The following HDHD2 variants were observed in gnomAD, a reference collection of about 807,000 sequenced individuals.
HDHD2 encodes haloacid dehalogenase like hydrolase domain containing 2, also known as haloacid dehalogenase-like hydrolase domain-containing protein 2.
HDHD2 carries 26 observed loss-of-function variants against 24.8 expected under a neutral mutation model. The ratio of observed to expected loss-of-function variants is 1.05; its 90% CI spans 0.77 to 1.45. The LOEUF (loss-of-function observed/expected upper bound fraction) is 1.45, where lower values mean the gene tolerates loss of function less well. Ranked by LOEUF, HDHD2 falls within the 40% of genes most tolerant of loss-of-function variation. The pLI is 0.00. For synonymous variants in HDHD2, 128 were observed against 114.9 expected (o/e 1.11, Z -0.73); for missense variants, 299 against 313.4 (o/e 0.95, Z 0.35).
Position 47,133,152 on chromosome 18 carries a change from C to T in HDHD2, c.310+1344G>A, listed in dbSNP as rs369144697. Among the ~76,000 whole-genome samples, 577 of 150,872 alleles carry T rather than the reference C, an allele frequency of 3.8e-3. 3 individuals carry two copies. The highest frequency in any genetic ancestry group is 0.013 in the African/African-American group (539 of 40,384). On this transcript the variant is annotated intron_variant, in intron 3 of 6. Transcript: ENST00000300605. ...TAACGCTATCCCTCCCCACTCCCCC[C>T]ACCCCACAACAGGCCCCAGTGTGTG...
chr18:47,111,339 C>T (rs2063514301), intron 6 of HDHD2: 1 of 978,388 alleles, frequency 1.0e-6, no homozygotes, highest in African/African-American at 1.8e-5. Context: ...CATTTTGAAG[C>T]TCAGTGTAAA....
chr18:47,113,343 C>G (rs1046313319), intron 5 of HDHD2, among the ~76,000 whole-genome samples: 1 of 152,192 alleles, frequency 6.6e-6, no homozygotes, highest in African/African-American at 2.4e-5. Flanking sequence ...ATCTATTTAT[C>G]TCCCCATTAA....
At chr18:47,119,626 G>A (rs755991731) in intron 4 of HDHD2, among the ~76,000 whole-genome samples, 7 of 152,156 alleles carry the variant, frequency 4.6e-5, no homozygotes, top group Non-Finnish European at 1.0e-4. Flanking sequence ...AGTCATCCAT[G>A]AGGGTTAAAA....
chr18:47,147,975 C>G (rs1288612342), intron 1 of HDHD2, among the ~76,000 whole-genome samples: 2 of 147,116 alleles, frequency 1.4e-5, no homozygotes, highest in East Asian at 4.0e-4. Flanking sequence ...TTGTCCAAAA[C>G]TTTGTTTTTT....
intron 5 of HDHD2, among the ~76,000 whole-genome samples, chr18:47,113,323 C>T (rs1239923330): frequency 6.6e-6 from 1 of 152,182 alleles, no homozygotes; most frequent in Non-Finnish European, 1.5e-5. Context: ...CTATGCTTTG[C>T]CACACCTACA....
intron 4 of HDHD2, among the ~76,000 whole-genome samples, chr18:47,127,975 A>G (rs1269110036): frequency 6.6e-6 from 1 of 152,180 alleles, no homozygotes; most frequent in Non-Finnish European, 1.5e-5. Flanking sequence ...TTCATTTAAG[A>G]TGTCTGTATT....
chr18:47,124,550 T>G (rs2063638333), intron 4 of HDHD2, among the ~76,000 whole-genome samples: 1 of 151,184 alleles, frequency 6.6e-6, no homozygotes, highest in African/African-American at 2.4e-5. Context: ...CTACTAAAAA[T>G]ACAAAATTAG....
chr18:47,150,309 G>A lies in HDHD2; in HGVS notation c.-11+69C>T, dbSNP rs142819044. 3.5e-3 allele frequency: 537 copies of A among 152,624 alleles called. 1 individual carries two copies. The highest frequency in any genetic ancestry group is 7.4e-3 in the Admixed American group (114 of 15,314). The allele number at this position is 152,624 out of a possible 1,614,324, so 9.5% of individuals were successfully genotyped here. ...GCGCCACTAGTAGTTCCCGAACCCT[G>A]TCACAAAATCTGCAGCCTCCCGGCC... On this transcript the variant is annotated intron_variant, in intron 1 of 6. Coordinates refer to ENST00000300605, the MANE Select transcript of HDHD2 (RefSeq NM_032124.5).
At chr18:47,133,497 T>TTGGGTATATACCCAAG (rs570277112) in intron 3 of HDHD2, among the ~76,000 whole-genome samples, 2 of 104,466 alleles carry the variant, frequency 1.9e-5, no homozygotes, top group African/African-American at 3.5e-5. Flanking sequence ...TTATAGTCCT[T>TTGGGTATATACCCAAG]TAATGGGATG....
At chr18:47,110,660 G>A (rs973941073) in intron 6 of HDHD2, 10 of 984,460 alleles carry the variant, frequency 1.0e-5, no homozygotes, top group Middle Eastern at 1.0e-3. Flanking sequence ...GCTCAATAAC[G>A]TTCGTTGAGT....
chr18:47,139,464 CAAAAAAAAAAAAAAA>C (rs760347919), intron 1 of HDHD2, among the ~76,000 whole-genome samples: 1 of 50,482 alleles, frequency 2.0e-5, no homozygotes, highest in African/African-American at 7.6e-5. Flanking sequence ...GACTCTGTCT[CAAAAAAAAAAAAAAA>C]AAAAAAAAAA....
At chr18:47,130,511 G>A (rs1450721454) in intron 3 of HDHD2, among the ~76,000 whole-genome samples, 183 bp from the exon 4 acceptor site, 2 of 152,196 alleles carry the variant, frequency 1.3e-5, no homozygotes, top group East Asian at 3.8e-4. Context: ...GAGGGAGAGG[G>A]AGATGGGGGT....
chr18:47,134,280 T>C lies in HDHD2; in HGVS notation c.310+216A>G, dbSNP rs1599950458. ...ACTTACATAAAGACACACATATAGA[T>C]ATGTATTAGGTTACTATGTAATGTG... On this transcript the variant is annotated intron_variant, in intron 3 of 6. Transcript: ENST00000300605. The C allele has an allele frequency of 7.0e-6, 4 of 571,862 alleles. No individual in the cohort carries two copies. In the East Asian group the frequency reaches 8.8e-5, roughly 13 times the overall value. The allele number at this position is 571,862 out of a possible 1,614,324, so 35.4% of individuals were successfully genotyped here. A position where few individuals can be genotyped will look rare whatever the true frequency, so the allele number is the denominator to read the frequency against.
intron 2 of HDHD2, among the ~76,000 whole-genome samples, chr18:47,134,952 T>C (rs1231807943): frequency 6.6e-6 from 1 of 152,216 alleles, no homozygotes; most frequent in African/African-American, 2.4e-5. Context: ...CAGTAAAAGC[T>C]CTGTCCAACA....
At chr18:47,140,299 T>A (rs981459089) in intron 1 of HDHD2, among the ~76,000 whole-genome samples, 1 of 152,206 alleles carries the variant, frequency 6.6e-6, no homozygotes. Context: ...AGATCATTAT[T>A]ATATTGCCAT....
At chr18:47,137,234 C>T (rs1448242778) in intron 1 of HDHD2, 1 of 606,626 alleles carries the variant, frequency 1.6e-6, no homozygotes, top group Non-Finnish European at 3.1e-6. Context: ...AACAGACATA[C>T]CTGCACATTT....
intron 4 of HDHD2, 47 bp from the exon 5 acceptor site, chr18:47,115,395 T>TA (rs751700674): frequency 7.2e-7 from 1 of 1,390,508 alleles, no homozygotes; most frequent in Non-Finnish European, 1.0e-6. Flanking sequence ...AAAGCAAGGC[T>TA]TTTATGACTG....
intron 6 of HDHD2, chr18:47,109,436 CCA>C (rs989475337): frequency 6.6e-5 from 10 of 152,400 alleles, no homozygotes; most frequent in African/African-American, 2.4e-4. Context: ...AGGAACCATT[CCA>C]CAGTGGTCAC....
chr18:47,149,761 C>A (rs1245396528), intron 1 of HDHD2, among the ~76,000 whole-genome samples: 1 of 152,182 alleles, frequency 6.6e-6, no homozygotes, highest in Non-Finnish European at 1.5e-5. Context: ...TAGGAGCCAC[C>A]TGTGGTCCTA....
Sources: allele counts gnomAD v4.1 joint callset (sites outside exome capture counted in the v4.1 genomes callset), GRCh38; gene constraint gnomAD v4.1.1; transcripts MANE v1.5; gene names NCBI Gene and HGNC (gene_info 2026-07-23, HGNC 2026-07-21).